Variants in MARS1 observed in about 807,000 individuals in gnomAD.
MARS1 encodes methionyl-tRNA synthetase 1, also known as methionine--tRNA ligase, cytoplasmic.
In MARS1, 80 loss-of-function variants were observed where a neutral mutation model predicts 119.5. The ratio of observed to expected loss-of-function variants is 0.67; its 90% confidence interval spans 0.56 to 0.81. MARS1 has a LOEUF of 0.81. Among genes scored for constraint, MARS1 ranks in the 30% least tolerant of loss-of-function variants. The probability of loss-of-function intolerance (pLI) is 0.00; values close to 1 mark genes in which losing one functional copy is unlikely to be tolerated. For missense variants in MARS1, 945 were observed against 1,116.5 expected (o/e 0.85, Z 2.19); for synonymous variants, 418 against 433.4 (o/e 0.96, Z 0.44).
intron 11 of MARS1, among the ~76,000 whole-genome samples, chr12:57,509,529 C>T (rs545849356): frequency 1.3e-5 from 2 of 152,086 alleles, no homozygotes; most frequent in East Asian, 1.9e-4. Context: ...GCCTCAGCCT[C>T]CTGAGTAGCT....
intron 10 of MARS1, among the ~76,000 whole-genome samples, chr12:57,500,764 C>T (rs1034714265): frequency 3.9e-5 from 6 of 152,126 alleles, no homozygotes; most frequent in Non-Finnish European, 8.8e-5. Context: ...AACCTTTGGT[C>T]TTGCATCACA....
chr12:57,496,340 T>G (rs1876631823), intron 7 of MARS1, among the ~76,000 whole-genome samples: 1 of 149,332 alleles, frequency 6.7e-6, no homozygotes, highest in Admixed American at 6.7e-5. Flanking sequence ...ATTTTTGTAC[T>G]TTTTTAGTAG....
chr12:57,490,072 G>A, intron 5 of MARS1, 101 bp downstream of exon 5: 1 of 1,441,748 alleles, frequency 6.9e-7, no homozygotes, highest in Non-Finnish European at 9.7e-7. Context: ...CAGCTTGACT[G>A]GGCAACTATA....
intron 7 of MARS1, among the ~76,000 whole-genome samples, chr12:57,496,585 T>C (rs1420115339): frequency 1.3e-5 from 2 of 151,720 alleles, no homozygotes; most frequent in Non-Finnish European, 2.9e-5. Context: ...TCGAGACCAG[T>C]CCTGTCAACA....
intron 7 of MARS1, among the ~76,000 whole-genome samples, chr12:57,495,868 C>T (rs1407970070): frequency 3.3e-5 from 5 of 152,172 alleles, no homozygotes; most frequent in African/African-American, 9.7e-5. Context: ...GGTGTGGCGG[C>T]GCGCGCCTGC....
At chr12:57,496,121 C>G (rs1003073911) in intron 7 of MARS1, among the ~76,000 whole-genome samples, 1 of 151,786 alleles carries the variant, frequency 6.6e-6, no homozygotes, top group Admixed American at 6.6e-5. Context: ...GTCTCGGCCT[C>G]CCAAAGTGCT....
intron 17 of MARS1, 28 bp downstream of exon 17, chr12:57,515,086 G>T: frequency 2.5e-6 from 4 of 1,614,040 alleles, no homozygotes; most frequent in Non-Finnish European, 3.4e-6. Context: ...GTTGGCTAAA[G>T]GCATAAAGTG....
intron 2 of MARS1, 37 bp from the exon 3 acceptor site, chr12:57,489,230 C>T (rs1875729570): frequency 1.9e-6 from 3 of 1,610,538 alleles, no homozygotes; most frequent in South Asian, 1.1e-5. Flanking sequence ...AAATGGGCCC[C>T]TCTAAGTCCA....
chr12:57,492,878 C>T (rs543395693), intron 7 of MARS1, among the ~76,000 whole-genome samples: 1 of 152,152 alleles, frequency 6.6e-6, no homozygotes, highest in African/African-American at 2.4e-5. Context: ...TGGCAGCAGG[C>T]TGGTCAGTCG....
chr12:57,490,221 C>G lies in MARS1; in HGVS notation c.505C>G (p.Leu169Val). The G allele has an allele frequency of 6.2e-7, 1 of 1,613,644 alleles. No individual in the cohort carries two copies. Among genetic ancestry groups the G allele is most frequent in the Admixed American group, 1.7e-5 (1 of 59,958 alleles). The change falls in exon 6 of 21, where the codon CTG becomes GTG. Residue 169 changes from leucine to valine, a missense_variant. Coordinates refer to ENST00000262027, the MANE Select transcript of MARS1 (RefSeq NM_004990.4). ...PAYLPEELSALHSWFQTLSTQ... is the reference protein window; with the variant it reads ...PAYLPEELSAVHSWFQTLSTQ... ...CATACCCACAGAGGAGCTGAGTGCC[C>G]TGCACAGCTGGTTCCAGACACTGAG...
At chr12:57,502,218 T>A (rs1256407488) in intron 10 of MARS1, among the ~76,000 whole-genome samples, 1 of 152,160 alleles carries the variant, frequency 6.6e-6, no homozygotes, top group Non-Finnish European at 1.5e-5. Context: ...TAGATGGTAG[T>A]ACCATCTGTG....
intron 10 of MARS1, among the ~76,000 whole-genome samples, chr12:57,503,174 TTATA>T (rs947400445): frequency 6.6e-6 from 1 of 152,190 alleles, no homozygotes; most frequent in African/African-American, 2.4e-5. Flanking sequence ...CCTTCCATGT[TTATA>T]TAGTCAGTTT....
In MARS1 at chr12:57,515,856, C is replaced by T. The variant is rs542750244; in HGVS notation, c.2392-64C>T. On this transcript the variant is annotated intron_variant, in intron 18 of 20. Coordinates refer to ENST00000262027, the MANE Select transcript of MARS1 (RefSeq NM_004990.4). ...CAGAGATTGGGGTTGGAGAGGTCAT[C>T]TGTATAGTCTATGGTAGAGTCTGTA... The T allele has an allele frequency of 2.1e-4, 268 of 1,254,454 alleles. 4 individuals are homozygous for T. In the South Asian group the frequency reaches 3.3e-3, roughly 16 times the overall value. 77.7% of individuals were successfully genotyped at this position (1,254,454 alleles called of 1,614,324 possible). A position where few individuals can be genotyped will look rare whatever the true frequency, so the allele number is the denominator to read the frequency against.
rs759552016 is a variant in MARS1, at chr12:57,500,436, G to A, written c.1207G>A (p.Gly403Ser). ...ARFLADRFVE[G>S]VCPFCGYEEA... ...CTTCCTGGCTGACCGCTTCGTGGAG[G>A]GCGTGTGTCCCTTCTGTGGCTATGA... The change falls in exon 10 of 21, where the codon GGC becomes AGC. Residue 403 changes from glycine to serine, a missense_variant. Coordinates refer to ENST00000262027, the MANE Select transcript of MARS1 (RefSeq NM_004990.4). The A allele has an allele frequency of 1.9e-6, 3 of 1,614,138 alleles. No homozygotes were observed. The highest frequency in any genetic ancestry group is 2.5e-6 in the Non-Finnish European group (3 of 1,180,018).
chr12:57,494,204 C>T (rs1408551072), intron 7 of MARS1, among the ~76,000 whole-genome samples: 1 of 151,166 alleles, frequency 6.6e-6, no homozygotes, highest in Non-Finnish European at 1.5e-5. Context: ...GATCCACCTG[C>T]CTCGGCCTCC....
In MARS1 at chr12:57,516,644, C is replaced by T; in HGVS notation, c.*63C>T. On this transcript the variant is annotated 3_prime_UTR_variant, in exon 21 of 21. Transcript: ENST00000262027. ...GGACAGTAATAAATAAATGTACAAT[C>T]TCTATATACAAGCTGAGACCTTTCC... 1 of 1,527,622 alleles carries T rather than the reference C, an allele frequency of 6.5e-7. No individual in the cohort carries two copies. Among genetic ancestry groups the T allele is most frequent in the Non-Finnish European group, 8.8e-7 (1 of 1,141,434 alleles). 94.6% of individuals were successfully genotyped at this position (1,527,622 alleles called of 1,614,324 possible).
intron 7 of MARS1, among the ~76,000 whole-genome samples, chr12:57,493,496 T>A (rs1213354975): frequency 3.6e-3 from 2 of 562 alleles, no homozygotes; most frequent in African/African-American, 6.4e-3. Flanking sequence ...TATAATATAT[T>A]ATAATATATA....
chr12:57,506,550 A>G (rs1653122923), intron 11 of MARS1, among the ~76,000 whole-genome samples: 1 of 152,244 alleles, frequency 6.6e-6, no homozygotes, highest in African/African-American at 2.4e-5. Context: ...TGTCCTTTTC[A>G]GAGCCACGTG....
At chr12:57,497,941 AC>A (rs762549493) in intron 7 of MARS1, among the ~76,000 whole-genome samples, 8 of 152,000 alleles carry the variant, frequency 5.3e-5, no homozygotes, top group Non-Finnish European at 1.2e-4. Flanking sequence ...AGTACAGGAG[AC>A]TTCCTCACTG....
Sources: gnomAD v4.1 joint callset for allele counts (sites outside exome capture counted in the v4.1 genomes callset) on GRCh38, gnomAD v4.1.1 for gene constraint, MANE v1.5 for transcripts, NCBI Gene and HGNC (gene_info 2026-07-23, HGNC 2026-07-21) for gene names.